The following QTMAN variants were observed in gnomAD, a reference collection of about 807,000 sequenced individuals.
The protein encoded by QTMAN is tRNA-queuosine alpha-mannosyltransferase.
the QTMAN span, among the ~76,000 whole-genome samples, chr2:143,967,552 A>C: frequency 2.6e-5 from 4 of 152,052 alleles, no homozygotes; most frequent in Non-Finnish European, 4.4e-5. Context: ...GCTGGTCTTG[A>C]GCTCCTGACC....
the QTMAN span, among the ~76,000 whole-genome samples, chr2:144,278,038 G>A: frequency 9.9e-5 from 15 of 152,158 alleles, no homozygotes; most frequent in African/African-American, 3.1e-4. Context: ...CACCAATGAT[G>A]GCAGGCGAGG....
At chr2:144,001,865 A>C in the QTMAN span, among the ~76,000 whole-genome samples, 3 of 151,914 alleles carry the variant, frequency 2.0e-5, no homozygotes, top group African/African-American at 7.2e-5. Flanking sequence ...TTAGTCTATG[A>C]GAACTACAAA....
the QTMAN span, among the ~76,000 whole-genome samples, chr2:144,189,705 C>T: frequency 6.6e-6 from 1 of 151,896 alleles, no homozygotes; most frequent in Non-Finnish European, 1.5e-5. Context: ...CTGCAACCTC[C>T]GCCTCCCGGG....
chr2:144,299,052 C>T, the QTMAN span, among the ~76,000 whole-genome samples: 19 of 152,102 alleles, frequency 1.2e-4, 1 homozygote, highest in Admixed American at 5.2e-4. Context: ...TCCCTGTTGA[C>T]AGAGAAGAGT....
At chr2:144,164,936 A>T in the QTMAN span, among the ~76,000 whole-genome samples, 1 of 152,208 alleles carries the variant, frequency 6.6e-6, no homozygotes, top group Non-Finnish European at 1.5e-5. Flanking sequence ...ATGATCTATC[A>T]ATTCAGTGCA....
chr2:144,307,337 C>CA, the QTMAN span, among the ~76,000 whole-genome samples: 3 of 151,882 alleles, frequency 2.0e-5, no homozygotes, highest in Admixed American at 6.6e-5. Flanking sequence ...GGTACATCTG[C>CA]AAAAAACTTA....
At chr2:144,032,093 A>T in the QTMAN span, among the ~76,000 whole-genome samples, 1 of 152,112 alleles carries the variant, frequency 6.6e-6, no homozygotes, top group African/African-American at 2.4e-5. Context: ...TGGGGGTATG[A>T]TTATTTTTAA....
the QTMAN span, among the ~76,000 whole-genome samples, chr2:144,303,948 G>A: frequency 6.6e-6 from 1 of 152,234 alleles, no homozygotes; most frequent in Non-Finnish European, 1.5e-5. Flanking sequence ...TAGGAAGCCT[G>A]AGGTAGCTTA....
chr2:144,148,531 A>G, the QTMAN span, among the ~76,000 whole-genome samples: 1 of 151,980 alleles, frequency 6.6e-6, no homozygotes, highest in Admixed American at 6.6e-5. Flanking sequence ...AAAAAATTCT[A>G]TATTCCATAA....
chr2:144,239,283 C>T, the QTMAN span, among the ~76,000 whole-genome samples: 1 of 152,006 alleles, frequency 6.6e-6, no homozygotes, highest in Non-Finnish European at 1.5e-5. Context: ...GTCAGAGATT[C>T]CAAAAGAGCA....
At chr2:144,106,906 C>T in the QTMAN span, among the ~76,000 whole-genome samples, 1 of 152,220 alleles carries the variant, frequency 6.6e-6, no homozygotes, top group African/African-American at 2.4e-5. Flanking sequence ...AACAAACTGT[C>T]TCTCAGACCA....
At chr2:144,260,483 C>A in the QTMAN span, among the ~76,000 whole-genome samples, 1 of 151,856 alleles carries the variant, frequency 6.6e-6, no homozygotes, top group African/African-American at 2.4e-5. Context: ...TCATTTAATG[C>A]AAATCTTTAT....
the QTMAN span, chr2:144,317,554 A>C: frequency 6.6e-6 from 1 of 152,230 alleles, no homozygotes; most frequent in African/African-American, 2.4e-5. Flanking sequence ...ATATCCTATA[A>C]ATATCACGAC....
chr2:144,132,334 G>A, the QTMAN span, among the ~76,000 whole-genome samples: 1 of 151,986 alleles, frequency 6.6e-6, no homozygotes, highest in Admixed American at 6.6e-5. Context: ...TAGGGAATGA[G>A]CCACTCTGGC....
the QTMAN span, among the ~76,000 whole-genome samples, chr2:144,286,190 C>T: frequency 2.0e-5 from 3 of 152,132 alleles, no homozygotes; most frequent in African/African-American, 7.2e-5. Flanking sequence ...ACCTTTGAGC[C>T]ACATCATCTA....
the QTMAN span, among the ~76,000 whole-genome samples, chr2:143,961,483 C>T: frequency 6.6e-6 from 1 of 152,126 alleles, no homozygotes; most frequent in African/African-American, 2.4e-5. Context: ...TCCTATTTGT[C>T]TAGTAATGTC....
the QTMAN span, among the ~76,000 whole-genome samples, chr2:144,158,856 A>G: frequency 6.6e-6 from 1 of 152,064 alleles, no homozygotes; most frequent in African/African-American, 2.4e-5. Context: ...AGTTTATGCA[A>G]TGTGACTGAA....
the QTMAN span, among the ~76,000 whole-genome samples, chr2:144,079,753 T>G: frequency 6.6e-6 from 1 of 152,130 alleles, no homozygotes; most frequent in Non-Finnish European, 1.5e-5. Context: ...TTACTGCTGT[T>G]TTATGACAAA....
the QTMAN span, among the ~76,000 whole-genome samples, chr2:143,978,830 A>T: frequency 6.6e-6 from 1 of 152,240 alleles, no homozygotes; most frequent in Non-Finnish European, 1.5e-5. Flanking sequence ...CTGTAAATTC[A>T]AACTGACTAA....
Sources: allele counts gnomAD v4.1 joint callset (sites outside exome capture counted in the v4.1 genomes callset), GRCh38; gene constraint gnomAD v4.1.1; transcripts MANE v1.5; gene names NCBI Gene and HGNC (gene_info 2026-07-23, HGNC 2026-07-21).